Variants in MACROD2 observed in about 807,000 individuals in gnomAD.
MACROD2 encodes the protein mono-ADP ribosylhydrolase 2, also known as ADP-ribose glycohydrolase MACROD2.
Under a neutral mutation model 70.4 loss-of-function variants are expected in MACROD2, and 36 were observed. That is an observed-to-expected ratio of 0.51 (90% CI 0.39 to 0.68). The LOEUF (loss-of-function observed/expected upper bound fraction) is 0.68. MACROD2 is among the 30% of genes least tolerant of loss of function. The pLI, the probability that MACROD2 is intolerant of heterozygous loss-of-function variation, is 0.00. For missense variants in MACROD2, 496 were observed against 538.4 expected, an observed-to-expected ratio of 0.92 and a Z score of 0.78; for synonymous variants, 172 against 178.8, an observed-to-expected ratio of 0.96 and a Z score of 0.30.
At chr20:15,063,583 A>G (rs181055595) in intron 5 of MACROD2, among the ~76,000 whole-genome samples, 59 of 152,346 alleles carry the variant, frequency 3.9e-4, no homozygotes, top group African/African-American at 1.3e-3. Flanking sequence ...GTATCAGGCC[A>G]GTTTGTATAC....
At chr20:15,319,170 T>G (rs2077846628) in intron 6 of MACROD2, among the ~76,000 whole-genome samples, 1 of 152,034 alleles carries the variant, frequency 6.6e-6, no homozygotes, top group Non-Finnish European at 1.5e-5. Flanking sequence ...TACCAGTAAT[T>G]AACAAACTGA....
At chr20:14,160,748 TCTC>T (rs2055174589) in intron 3 of MACROD2, among the ~76,000 whole-genome samples, 1 of 152,204 alleles carries the variant, frequency 6.6e-6, no homozygotes, top group Admixed American at 6.5e-5. Flanking sequence ...TATTTTTTCT[TCTC>T]CTAATTTTGC....
rs116226227 is a variant in MACROD2 at position 14,570,128 on chromosome 20, C to G, written c.301+76620C>G. On this transcript the variant is annotated intron_variant, in intron 4 of 17. Transcript: ENST00000684519. The stretch of plus-strand genomic sequence containing the variant: ...AGTGGAAACAACAGTACAATAGATG[C>G]ATTAATTGTGGTACACTATTACAAA... 7.9e-3 allele frequency among the ~76,000 whole-genome samples: 1,201 copies of G among 152,082 alleles called. 16 individuals carry two copies. The highest frequency in any genetic ancestry group is 0.027 in the African/African-American group (1,106 of 41,526).
At chr20:14,718,202 A>G (rs1442657716) in intron 5 of MACROD2, among the ~76,000 whole-genome samples, 1 of 141,688 alleles carries the variant, frequency 7.1e-6, no homozygotes, top group East Asian at 2.3e-4. Flanking sequence ...CTGAGGCAGG[A>G]GAATTGCTTG....
intron 7 of MACROD2, among the ~76,000 whole-genome samples, chr20:15,466,025 G>A (rs1342364068): frequency 4.6e-5 from 7 of 152,116 alleles, no homozygotes; most frequent in Admixed American, 1.3e-4. Flanking sequence ...GACATATTTT[G>A]TTAAATTCTG....
chr20:15,259,137 C>A (rs1568674221), intron 6 of MACROD2, among the ~76,000 whole-genome samples: 1 of 151,938 alleles, frequency 6.6e-6, no homozygotes, highest in East Asian at 1.9e-4. Flanking sequence ...ATACAACATT[C>A]TGCTGCTTAT....
At chr20:14,019,002 T>G (rs1273165478) in intron 2 of MACROD2, among the ~76,000 whole-genome samples, 1 of 152,190 alleles carries the variant, frequency 6.6e-6, no homozygotes, top group African/African-American at 2.4e-5. Context: ...CTCATTGGGC[T>G]GTTCAGGAGG....
intron 8 of MACROD2, among the ~76,000 whole-genome samples, chr20:15,511,779 A>G (rs1398111767): frequency 6.6e-6 from 1 of 152,216 alleles, no homozygotes; most frequent in Non-Finnish European, 1.5e-5. Flanking sequence ...TCAGTGAGAC[A>G]AGAAAATTCT....
intron 8 of MACROD2, among the ~76,000 whole-genome samples, chr20:15,644,470 C>A (rs1384776809): frequency 6.6e-6 from 1 of 152,166 alleles, no homozygotes; most frequent in Non-Finnish European, 1.5e-5. Flanking sequence ...TCAGCAACCT[C>A]TTTCCTTCTG....
chr20:15,998,926 C>T (rs2066671035), intron 15 of MACROD2, among the ~76,000 whole-genome samples: 1 of 152,002 alleles, frequency 6.6e-6, no homozygotes, highest in East Asian at 1.9e-4. Flanking sequence ...TTTTAAAAAC[C>T]TCATTTTTGT....
intron 7 of MACROD2, among the ~76,000 whole-genome samples, chr20:15,497,438 C>T (rs374314428): frequency 1.3e-5 from 2 of 152,078 alleles, no homozygotes; most frequent in South Asian, 4.1e-4. Context: ...ATTACAGGTG[C>T]CCGCCACCAC....
At chr20:15,588,281 T>C (rs1478964449) in intron 8 of MACROD2, among the ~76,000 whole-genome samples, 1 of 152,152 alleles carries the variant, frequency 6.6e-6, no homozygotes, top group Non-Finnish European at 1.5e-5. Context: ...ATCCCTAGAC[T>C]GCACACAGAA....
At chr20:15,451,445 A>G (rs1656623350) in intron 7 of MACROD2, among the ~76,000 whole-genome samples, 1 of 144,550 alleles carries the variant, frequency 6.9e-6, no homozygotes, top group African/African-American at 2.6e-5. Context: ...AAAAAAAAAG[A>G]GTCACCTTTG....
At chr20:14,017,766 A>G (rs925937239) in intron 2 of MACROD2, among the ~76,000 whole-genome samples, 10 of 152,154 alleles carry the variant, frequency 6.6e-5, no homozygotes, top group African/African-American at 2.2e-4. Context: ...GTTTTCTTGT[A>G]TCTTTTTCTG....
At chr20:15,695,530 C>T (rs762702055) in intron 8 of MACROD2, among the ~76,000 whole-genome samples, 2 of 151,912 alleles carry the variant, frequency 1.3e-5, no homozygotes, top group South Asian at 2.1e-4. Flanking sequence ...CTTGCCTCAG[C>T]CTCCTGAGTA....
intron 8 of MACROD2, among the ~76,000 whole-genome samples, chr20:15,662,422 T>C (rs1364934063): frequency 1.3e-5 from 2 of 152,192 alleles, no homozygotes; most frequent in African/African-American, 2.4e-5. Flanking sequence ...GCATTGTGAC[T>C]GGCACATAGT....
At chr20:14,684,186 C>T (rs558368738) in intron 4 of MACROD2, among the ~76,000 whole-genome samples, 1 of 152,266 alleles carries the variant, frequency 6.6e-6, no homozygotes, top group Admixed American at 6.5e-5. Flanking sequence ...AAGGGGTGGT[C>T]TTATGGGTGT....
At chr20:14,194,118 T>C (rs1201906274) in intron 3 of MACROD2, among the ~76,000 whole-genome samples, 1 of 152,154 alleles carries the variant, frequency 6.6e-6, no homozygotes, top group African/African-American at 2.4e-5. Context: ...AATAGGTACC[T>C]ACTCACTCTT....
At chr20:14,236,221 G>A (rs1201773157) in intron 3 of MACROD2, among the ~76,000 whole-genome samples, 1 of 152,020 alleles carries the variant, frequency 6.6e-6, no homozygotes, top group Non-Finnish European at 1.5e-5. Context: ...ATGCAAAATT[G>A]TACTAGTCAT....
Sources: allele counts gnomAD v4.1 joint callset (sites outside exome capture counted in the v4.1 genomes callset), GRCh38; gene constraint gnomAD v4.1.1; transcripts MANE v1.5; gene names NCBI Gene and HGNC (gene_info 2026-07-23, HGNC 2026-07-21).